The following ZNF407 variants were observed in gnomAD, a reference collection of about 807,000 sequenced individuals.
The protein encoded by ZNF407 is zinc finger protein 407.
ZNF407 carries 17 observed loss-of-function variants against 131.2 expected under a neutral mutation model. The observed-to-expected ratio is 0.13, with a 90% CI of 0.09 to 0.19. The LOEUF is 0.19. ZNF407 is among the 10% of genes least tolerant of loss of function. The pLI, the probability that ZNF407 is intolerant of heterozygous loss-of-function variation, is 1.00. For synonymous variants in ZNF407, 1,156 were observed against 1,062.0 expected (o/e 1.09, Z -1.72); for missense variants, 2,681 against 2,830.6 (o/e 0.95, Z 1.20).
At chr18:74,658,635 A>G (rs1260143639) in intron 3 of ZNF407, among the ~76,000 whole-genome samples, 2 of 152,218 alleles carry the variant, frequency 1.3e-5, no homozygotes, top group Non-Finnish European at 2.9e-5. Context: ...TCTAAAAATA[A>G]CCATAAAATA....
chr18:75,031,836 G>A (rs1339948148), intron 8 of ZNF407, among the ~76,000 whole-genome samples: 1 of 152,148 alleles, frequency 6.6e-6, no homozygotes, highest in Non-Finnish European at 1.5e-5. Context: ...TTTGTATTAA[G>A]TGTTTTTTGA....
At chr18:74,792,272 C>T (rs1444205782) in intron 4 of ZNF407, among the ~76,000 whole-genome samples, 2 of 151,764 alleles carry the variant, frequency 1.3e-5, no homozygotes, top group East Asian at 3.9e-4. Context: ...TCACACAGAG[C>T]AAAGGATTAT....
intron 4 of ZNF407, among the ~76,000 whole-genome samples, chr18:74,834,862 C>G (rs1412564394): frequency 6.6e-6 from 1 of 152,172 alleles, no homozygotes; most frequent in African/African-American, 2.4e-5. Context: ...CATAGTTCAC[C>G]AGTATGACTT....
intron 3 of ZNF407, among the ~76,000 whole-genome samples, chr18:74,665,489 G>A (rs560992726): frequency 3.0e-4 from 45 of 152,160 alleles, no homozygotes; most frequent in Non-Finnish European, 5.7e-4. Flanking sequence ...TTGGATTACA[G>A]TTCATTGACC....
At chr18:75,023,007 G>A (rs148011930) in intron 8 of ZNF407, among the ~76,000 whole-genome samples, 4 of 152,220 alleles carry the variant, frequency 2.6e-5, no homozygotes, top group Admixed American at 1.3e-4. Context: ...GCCATGAAAC[G>A]AACGAGATCA....
chr18:74,819,169 G>GC, intron 4 of ZNF407, among the ~76,000 whole-genome samples: 1 of 152,042 alleles, frequency 6.6e-6, no homozygotes, highest in Non-Finnish European at 1.5e-5. Context: ...TATGGAAAAG[G>GC]CCGGAAAAAA....
intron 8 of ZNF407, among the ~76,000 whole-genome samples, chr18:75,059,076 T>C (rs535810332): frequency 6.6e-6 from 1 of 152,314 alleles, no homozygotes; most frequent in Non-Finnish European, 1.5e-5. Context: ...GGTGAGGACA[T>C]TGGTGTTGCT....
At position 74,695,760 on chromosome 18, in the gene ZNF407, T is replaced by C. The variant is rs549500399; in HGVS notation, c.4802+54638T>C. ...TTCCCCTTTCTTCCCCATGATTTTGTTCTAAGCGTGTTCATCTGTTCTCCG... is the reference window on the plus strand; with the variant it reads ...TTCCCCTTTCTTCCCCATGATTTTGCTCTAAGCGTGTTCATCTGTTCTCCG... On this transcript the variant is annotated intron_variant, in intron 3 of 8. Coordinates refer to ENST00000299687, the MANE Select transcript of ZNF407 (RefSeq NM_017757.3). 7.2e-5 allele frequency among the ~76,000 whole-genome samples: 11 copies of C among 152,300 alleles called. No homozygotes were observed. The South Asian group carries it at 2.3e-3, about 32-fold the overall frequency.
At chr18:74,640,471 AT>A (rs1160852892) in intron 2 of ZNF407, among the ~76,000 whole-genome samples, 5 of 152,166 alleles carry the variant, frequency 3.3e-5, no homozygotes, top group African/African-American at 9.6e-5. Context: ...GTTATTAAAA[AT>A]ATAGATAATA....
chr18:75,006,287 C>T (rs892445303), intron 8 of ZNF407, among the ~76,000 whole-genome samples: 6 of 152,124 alleles, frequency 3.9e-5, no homozygotes, highest in African/African-American at 1.4e-4. Context: ...TATGTTTGAT[C>T]ATTTCTACTC....
At chr18:74,993,422 G>T (rs558819021) in intron 8 of ZNF407, among the ~76,000 whole-genome samples, 1 of 152,178 alleles carries the variant, frequency 6.6e-6, no homozygotes, top group Non-Finnish European at 1.5e-5. Context: ...CTCATTTCCC[G>T]AGCCGCAACA....
intron 3 of ZNF407, among the ~76,000 whole-genome samples, chr18:74,696,480 T>C (rs1256279390): frequency 2.6e-5 from 4 of 152,196 alleles, no homozygotes; most frequent in African/African-American, 9.7e-5. Flanking sequence ...AATGGAAATT[T>C]AGATGCAAAG....
chr18:74,728,213 G>A (rs976998647), intron 3 of ZNF407, among the ~76,000 whole-genome samples: 5 of 152,180 alleles, frequency 3.3e-5, no homozygotes, highest in Non-Finnish European at 5.9e-5. Flanking sequence ...AGAAACTGCC[G>A]AATTTGACAA....
intron 3 of ZNF407, among the ~76,000 whole-genome samples, chr18:74,722,512 A>G (rs1968063306): frequency 6.6e-6 from 1 of 152,130 alleles, no homozygotes; most frequent in Admixed American, 6.5e-5. Context: ...CTTTTAGCTG[A>G]CAAGGATGTG....
chr18:75,054,905 C>A lies in ZNF407; in HGVS notation c.5429-8245C>A, dbSNP rs567584251. Reference sequence around the variant, plus strand: ...AGCATGGGCTCCCCCCCATACAAAGCCTGAAGGGCACTGTTACGTGTTCTC... The same window carrying A: ...AGCATGGGCTCCCCCCCATACAAAGACTGAAGGGCACTGTTACGTGTTCTC... On this transcript the variant is annotated intron_variant, in intron 8 of 8. Transcript: ENST00000299687. 2.0e-5 allele frequency among the ~76,000 whole-genome samples: 3 copies of A among 152,324 alleles called. No individual in the cohort carries two copies. In the South Asian group the frequency reaches 6.2e-4, roughly 32 times the overall value.
In ZNF407 at chr18:74,631,002, A is replaced by G; in HGVS notation, c.-18A>G. 6.3e-7 allele frequency: 1 copy of G among 1,587,598 alleles called. No individual in the cohort carries two copies. The highest frequency in any genetic ancestry group is 1.2e-5 in the South Asian group (1 of 86,786). On this transcript the variant is annotated 5_prime_UTR_variant, in exon 2 of 9. Coordinates refer to ENST00000299687, the MANE Select transcript of ZNF407 (RefSeq NM_017757.3). ...CCAGTGAGCCGCCTTAGATAGAAGC[A>G]TCGTCAGCACTTTATTAATGATGGA...
chr18:74,885,012 A>T (rs1245578430), intron 6 of ZNF407, among the ~76,000 whole-genome samples: 1 of 152,188 alleles, frequency 6.6e-6, no homozygotes, highest in Non-Finnish European at 1.5e-5. Context: ...CATTTTGTAA[A>T]CACTTAGATT....
intron 1 of ZNF407, among the ~76,000 whole-genome samples, chr18:74,603,266 G>A (rs1356215336): frequency 6.6e-6 from 1 of 152,112 alleles, no homozygotes; most frequent in Non-Finnish European, 1.5e-5. Flanking sequence ...AAGGTTTAGG[G>A]AGACTTCTCA....
chr18:74,863,794 C>A (rs917718286), intron 4 of ZNF407, among the ~76,000 whole-genome samples: 1 of 152,098 alleles, frequency 6.6e-6, no homozygotes, highest in South Asian at 2.1e-4. Context: ...CATGATGGAA[C>A]CTAATTGGGG....
Sources: allele counts gnomAD v4.1 joint callset (sites outside exome capture counted in the v4.1 genomes callset), GRCh38; gene constraint gnomAD v4.1.1; transcripts MANE v1.5; gene names NCBI Gene and HGNC (gene_info 2026-07-23, HGNC 2026-07-21).